Variants in TMCC1 observed in about 807,000 individuals in gnomAD.
TMCC1 encodes the protein transmembrane and coiled-coil domain family 1, also known as transmembrane and coiled-coil domains protein 1.
TMCC1 carries 15 observed loss-of-function variants against 52.4 expected under a neutral mutation model. That is an observed-to-expected ratio of 0.29 (90% CI 0.19 to 0.44). TMCC1 has a LOEUF of 0.44. Among genes scored for constraint, TMCC1 ranks in the 20% least tolerant of loss-of-function variants. The pLI, the probability that TMCC1 is intolerant of heterozygous loss-of-function variation, is 1.00. For missense variants in TMCC1, 503 were observed against 806.0 expected (o/e 0.62, Z 4.55); for synonymous variants, 279 against 301.9 (o/e 0.92, Z 0.79).
rs183086764 is a variant in TMCC1 at position 129,772,369 on chromosome 3, T to C, written c.576+55434A>G. Among the ~76,000 whole-genome samples, 459 of 151,958 alleles carry C rather than the reference T, an allele frequency of 3.0e-3. 4 individuals carry two copies. The highest frequency in any genetic ancestry group is 5.0e-3 in the South Asian group (24 of 4,820). On this transcript the variant is annotated intron_variant, in intron 4 of 6. Coordinates refer to ENST00000393238, the MANE Select transcript of TMCC1 (RefSeq NM_001017395.5). ...AAAAAAGAAAAGAAAATTATTTTTC[T>C]TTATATATTTTTCTATACAAAGAAA... is the stretch of plus-strand genomic sequence containing the variant.
chr3:129,723,264 T>C (rs1357811355), intron 4 of TMCC1, among the ~76,000 whole-genome samples: 1 of 152,082 alleles, frequency 6.6e-6, no homozygotes, highest in Non-Finnish European at 1.5e-5. Flanking sequence ...AGTTTCACAC[T>C]GAGATATGTG....
chr3:129,727,039 C>A (rs16845845), intron 4 of TMCC1, among the ~76,000 whole-genome samples: 6,394 of 151,790 alleles, frequency 0.042, 595 homozygotes, highest in East Asian at 0.4. Flanking sequence ...TTCTACTAAA[C>A]CATGGTGTAC....
chr3:129,753,385 G>C (rs965202322), intron 4 of TMCC1, among the ~76,000 whole-genome samples: 1 of 152,120 alleles, frequency 6.6e-6, no homozygotes, highest in Non-Finnish European at 1.5e-5. Flanking sequence ...ACTCGACATC[G>C]TAATATTCAG....
intron 1 of TMCC1, among the ~76,000 whole-genome samples, chr3:129,881,698 C>T (rs2061468438): frequency 1.3e-5 from 2 of 152,040 alleles, no homozygotes; most frequent in African/African-American, 4.8e-5. Context: ...TTCTATCAAA[C>T]CACAAATTAT....
Position 129,784,423 on chromosome 3 carries a change from C to T in TMCC1, c.576+43380G>A, listed in dbSNP as rs545648350. Among the ~76,000 whole-genome samples, 375 of 151,754 alleles carry T rather than the reference C, an allele frequency of 2.5e-3. 2 individuals are homozygous for T. The highest frequency in any genetic ancestry group is 3.9e-3 in the Non-Finnish European group (268 of 67,882). ...CTACTAAAAATACAAAAAATTAGCC[C>T]GGTGCAGTGGCGGGCGCCTGTAGTT... On this transcript the variant is annotated intron_variant, in intron 4 of 6. Coordinates refer to ENST00000393238, the MANE Select transcript of TMCC1 (RefSeq NM_001017395.5).
intron 4 of TMCC1, among the ~76,000 whole-genome samples, chr3:129,728,747 C>T (rs1257796531): frequency 6.6e-6 from 1 of 152,178 alleles, no homozygotes; most frequent in Admixed American, 6.5e-5. Context: ...TCACACCTAA[C>T]CCCACCACTA....
intron 2 of TMCC1, among the ~76,000 whole-genome samples, chr3:129,867,328 TC>T (rs2107951459): frequency 6.6e-6 from 1 of 152,306 alleles, no homozygotes; most frequent in South Asian, 2.1e-4. Context: ...ATGATAGCCT[TC>T]TTCTTCAACA....
intron 4 of TMCC1, among the ~76,000 whole-genome samples, chr3:129,760,249 G>A (rs2403523): frequency 0.63 from 96,227 of 151,794 alleles, 35,584 homozygotes; most frequent in Non-Finnish European, 0.83. Context: ...TTGTTCTGTC[G>A]CCCAGGCTTC....
intron 4 of TMCC1, among the ~76,000 whole-genome samples, chr3:129,737,942 T>C (rs1355948439): frequency 1.3e-5 from 2 of 151,890 alleles, no homozygotes; most frequent in South Asian, 2.1e-4. Context: ...AGAAATAATA[T>C]ATATAAACTC....
At chr3:129,714,626 C>T (rs565643102) in intron 4 of TMCC1, among the ~76,000 whole-genome samples, 1 of 152,280 alleles carries the variant, frequency 6.6e-6, no homozygotes, top group African/African-American at 2.4e-5. Flanking sequence ...CAGAAAAGAT[C>T]TTTTCCTTGA....
At chr3:129,778,423 G>A (rs556956749) in intron 4 of TMCC1, among the ~76,000 whole-genome samples, 1 of 152,300 alleles carries the variant, frequency 6.6e-6, no homozygotes, top group South Asian at 2.1e-4. Context: ...TTCCATCACT[G>A]ATGAAATAAG....
At chr3:129,853,556 G>C (rs2060008929) in intron 2 of TMCC1, among the ~76,000 whole-genome samples, 1 of 150,300 alleles carries the variant, frequency 6.7e-6, no homozygotes, top group Admixed American at 6.6e-5. Context: ...TTGAGCCCAG[G>C]AGGTCTAGGC....
At chr3:129,838,911 G>GT (rs1290171023) in intron 2 of TMCC1, among the ~76,000 whole-genome samples, 1 of 152,000 alleles carries the variant, frequency 6.6e-6, no homozygotes, top group Non-Finnish European at 1.5e-5. Flanking sequence ...CAGAAACTTC[G>GT]TAAGACAGTG....
chr3:129,839,632 TATAGTCCCAGCTACTCAAGAG>T (rs1412500458), intron 2 of TMCC1, among the ~76,000 whole-genome samples: 3 of 152,146 alleles, frequency 2.0e-5, no homozygotes, highest in Non-Finnish European at 4.4e-5. Flanking sequence ...GGCACACACC[TATAGTCCCAGCTACTCAAGAG>T]GTAGGAGGAT....
At chr3:129,772,578 C>T (rs1258721533) in intron 4 of TMCC1, among the ~76,000 whole-genome samples, 2 of 151,480 alleles carry the variant, frequency 1.3e-5, no homozygotes, top group African/African-American at 2.4e-5. Flanking sequence ...AAAAAATTAG[C>T]TGGGTGTGGT....
At chr3:129,689,552 G>C (rs2089649770) in intron 4 of TMCC1, among the ~76,000 whole-genome samples, 1 of 152,136 alleles carries the variant, frequency 6.6e-6, no homozygotes, top group Non-Finnish European at 1.5e-5. Flanking sequence ...CTGGGGGTGT[G>C]ATATGAGCCT....
chr3:129,723,555 C>T (rs1352245548), intron 4 of TMCC1, among the ~76,000 whole-genome samples: 2 of 138,466 alleles, frequency 1.4e-5, no homozygotes, highest in African/African-American at 5.5e-5. Flanking sequence ...ACTGATTTTC[C>T]AGTAACTATT....
chr3:129,740,878 C>A (rs2051396291), intron 4 of TMCC1, among the ~76,000 whole-genome samples: 1 of 152,144 alleles, frequency 6.6e-6, no homozygotes. Context: ...TTTGACTGGG[C>A]TTTACAACAT....
intron 4 of TMCC1, among the ~76,000 whole-genome samples, chr3:129,738,543 A>G (rs1325570709): frequency 6.6e-6 from 1 of 152,186 alleles, no homozygotes; most frequent in Non-Finnish European, 1.5e-5. Context: ...AATAACAACT[A>G]CTGTTTCAAT....
Sources: allele counts gnomAD v4.1 joint callset (sites outside exome capture counted in the v4.1 genomes callset), GRCh38; gene constraint gnomAD v4.1.1; transcripts MANE v1.5; gene names NCBI Gene and HGNC (gene_info 2026-07-23, HGNC 2026-07-21).